The following UBXN8 variants were observed in gnomAD, a reference collection of about 807,000 sequenced individuals.
UBXN8 encodes UBX domain-containing protein 8.
A neutral mutation model predicts 32.1 loss-of-function variants in UBXN8; 27 were observed. The ratio of observed to expected loss-of-function variants is 0.84; its 90% CI spans 0.62 to 1.16. The LOEUF is 1.16. Ranked by LOEUF, UBXN8 falls within the 50% of genes most tolerant of loss-of-function variation. The pLI is 0.00. For synonymous variants in UBXN8, 109 were observed against 111.8 expected (o/e 0.98, Z 0.16); for missense variants, 306 against 311.4 (o/e 0.98, Z 0.13).
upstream of UBXN8, among the ~76,000 whole-genome samples, chr8:30,730,762 G>A (rs1434763195): frequency 1.3e-5 from 2 of 152,196 alleles, no homozygotes; most frequent in South Asian, 4.1e-4. Flanking sequence ...CTTTGATCCC[G>A]ATAGCCCTGA....
intron 5 of UBXN8, among the ~76,000 whole-genome samples, chr8:30,760,439 A>ATTTTTTTT (rs1221804217): frequency 2.3e-5 from 1 of 43,194 alleles, no homozygotes; most frequent in African/African-American, 8.1e-5. Context: ...ATATATATAT[A>ATTTTTTTT]TATATTTTTT....
At chr8:30,765,083 TA>T (rs1263973150) in intron 7 of UBXN8, among the ~76,000 whole-genome samples, 1 of 151,968 alleles carries the variant, frequency 6.6e-6, no homozygotes, top group Non-Finnish European at 1.5e-5. Flanking sequence ...TAATATTTTT[TA>T]TTTTTTTAAA....
intron 6 of UBXN8, among the ~76,000 whole-genome samples, chr8:30,762,683 G>A (rs1481654628): frequency 2.0e-5 from 3 of 151,764 alleles, no homozygotes; most frequent in South Asian, 2.1e-4. Context: ...CTGAGCCACC[G>A]CACCTGGCCT....
upstream of UBXN8, among the ~76,000 whole-genome samples, chr8:30,741,339 T>C (rs1805193499): frequency 1.3e-5 from 2 of 152,084 alleles, no homozygotes; most frequent in Non-Finnish European, 2.9e-5. Context: ...TGGGCTGTGA[T>C]TGTGCCACTG....
intron 4 of UBXN8, chr8:30,756,312 TG>T (rs1352865939): frequency 6.4e-6 from 1 of 156,860 alleles, no homozygotes; most frequent in African/African-American, 2.4e-5. Flanking sequence ...AGCTAATTTT[TG>T]TATGTCTTTT....
At position 30,754,741 on chromosome 8, in the gene UBXN8, A is replaced by G. The variant is rs759904302; in HGVS notation, c.359A>G (p.Gln120Arg). The G allele has an allele frequency of 1.3e-6, 2 of 1,563,440 alleles. No homozygotes were observed. The highest frequency in any genetic ancestry group is 1.2e-5 in the South Asian group (1 of 80,564). ...KLRKLEERFYQMTGEAWKLSS... is the reference protein window; with the variant it reads ...KLRKLEERFYRMTGEAWKLSS... ...AGAAAACTGGAGGAGCGCTTTTATC[A>G]AATGACGGGTGAAGCCTGGAAATTA... Residue 120 changes from glutamine to arginine, a missense_variant, in exon 4 of 8, where the codon CAA becomes CGA. Physicochemically the swap from Gln to Arg is conservative, Grantham distance 43 (BLOSUM62 1). Transcript: ENST00000265616.
upstream of UBXN8, among the ~76,000 whole-genome samples, chr8:30,741,515 G>C (rs1036064175): frequency 1.4e-5 from 2 of 139,350 alleles, no homozygotes; most frequent in African/African-American, 5.7e-5. Flanking sequence ...GGAGTACAGT[G>C]GTATGATCTC....
chr8:30,759,054 C>T (rs556279686), intron 5 of UBXN8, among the ~76,000 whole-genome samples: 17 of 150,556 alleles, frequency 1.1e-4, no homozygotes, highest in African/African-American at 2.7e-4. Context: ...CCACCACGCC[C>T]GGCTAATTTT....
chr8:30,737,489 T>C (rs1586085402), intron 1 of UBXN8, among the ~76,000 whole-genome samples: 1 of 152,320 alleles, frequency 6.6e-6, no homozygotes, highest in South Asian at 2.1e-4. Context: ...TGTGCAAGAA[T>C]CTTGTCTTAT....
chr8:30,744,387 A>G (rs1563557982), intron 1 of UBXN8, 110 bp downstream of exon 1: 3 of 1,077,900 alleles, frequency 2.8e-6, no homozygotes, highest in Middle Eastern at 2.0e-4. Context: ...CTTTGACTAC[A>G]ACTCCCAGAC....
At chr8:30,744,050 A>T, upstream of UBXN8, 1 of 728,708 alleles carries the variant, frequency 1.4e-6, no homozygotes, top group Non-Finnish European at 2.3e-6. Context: ...GCTCCCCCTC[A>T]ATAACGACAC....
chr8:30,755,049 A>G (rs1274582315), intron 4 of UBXN8, among the ~76,000 whole-genome samples: 2 of 141,254 alleles, frequency 1.4e-5, no homozygotes, highest in South Asian at 2.5e-4. Context: ...TCCGCCTCCC[A>G]GGTTCATGCC....
At chr8:30,763,146 A>T in intron 6 of UBXN8, 127 bp from the exon 7 acceptor site, 1 of 908,580 alleles carries the variant, frequency 1.1e-6, no homozygotes, top group Non-Finnish European at 1.7e-6. Flanking sequence ...ACCATGCCCT[A>T]CCTATGTCTT....
At chr8:30,766,010 C>A (rs373790819) in intron 7 of UBXN8, among the ~76,000 whole-genome samples, 208 of 133,634 alleles carry the variant, frequency 1.6e-3, no homozygotes, top group Admixed American at 1.9e-3. Context: ...ACTCCCATCT[C>A]AAAAAAAAAA....
upstream of UBXN8, among the ~76,000 whole-genome samples, chr8:30,740,029 G>A (rs539436671): frequency 1.3e-5 from 2 of 152,282 alleles, no homozygotes; most frequent in South Asian, 4.1e-4. Context: ...AGCCTCTGGA[G>A]TAGCTGTGAC....
In UBXN8 at chr8:30,746,804, G is replaced by A. The variant is rs1466387844; in HGVS notation, c.88+2527G>A. Reference sequence around the variant, plus strand: ...CTCCCAAAGTGCTGGGATTACAGGCGTGAGCCACCGCGCCCTGACTAAGCT... The same window carrying A: ...CTCCCAAAGTGCTGGGATTACAGGCATGAGCCACCGCGCCCTGACTAAGCT... On this transcript the variant is annotated intron_variant, in intron 1 of 7. Transcript: ENST00000265616. Among the ~76,000 whole-genome samples the A allele has an allele frequency of 5.7e-5, 8 of 139,618 alleles. 1 individual carries two copies. Among genetic ancestry groups the A allele is most frequent in the African/African-American group, 1.9e-4 (7 of 35,968 alleles). 91.6% of individuals were successfully genotyped at this position (139,618 alleles called of 152,430 possible). A position where few individuals can be genotyped will look rare whatever the true frequency, so the allele number is the denominator to read the frequency against.
intron 1 of UBXN8, among the ~76,000 whole-genome samples, chr8:30,745,178 T>C (rs1235535766): frequency 1.3e-5 from 2 of 152,172 alleles, no homozygotes; most frequent in Non-Finnish European, 2.9e-5. Flanking sequence ...GATGATGGCC[T>C]GGACTAGAAC....
At chr8:30,758,098 A>G (rs984354644) in intron 5 of UBXN8, among the ~76,000 whole-genome samples, 6 of 151,876 alleles carry the variant, frequency 4.0e-5, no homozygotes, top group Non-Finnish European at 8.8e-5. Flanking sequence ...GGGTTTCACC[A>G]TGTTAGCCAG....
chr8:30,731,033 G>A (rs536795795), upstream of UBXN8, among the ~76,000 whole-genome samples: 2 of 152,348 alleles, frequency 1.3e-5, no homozygotes, highest in South Asian at 2.1e-4. Flanking sequence ...GGGGGGCCCC[G>A]GGAAAGAAAC....
Sources: allele counts gnomAD v4.1 joint callset (sites outside exome capture counted in the v4.1 genomes callset), GRCh38; gene constraint gnomAD v4.1.1; transcripts MANE v1.5; gene names NCBI Gene and HGNC (gene_info 2026-07-23, HGNC 2026-07-21).